Variants in TSHZ3 observed in about 807,000 individuals in gnomAD.
TSHZ3 encodes teashirt zinc finger homeobox 3, also known as teashirt homolog 3.
TSHZ3 carries 10 observed loss-of-function variants against 64.5 expected under a neutral mutation model. The observed-to-expected ratio is 0.16, with a 90% CI of 0.10 to 0.26. The LOEUF is 0.26. Ranked by LOEUF, TSHZ3 falls within the 10% of genes least tolerant of loss-of-function variation. TSHZ3 has a pLI of 1.00. For missense variants in TSHZ3, 1,242 were observed against 1,421.7 expected (o/e 0.87, Z 2.03); for synonymous variants, 608 against 593.1 (o/e 1.03, Z -0.36).
chr19:31,174,162 C>T (rs1161765611), intron 5 of TSHZ3, among the ~76,000 whole-genome samples: 2 of 152,208 alleles, frequency 1.3e-5, no homozygotes, highest in African/African-American at 4.8e-5. Context: ...GGGGAAGACC[C>T]GGGAGAGCCC....
chr19:31,283,212 C>G (rs1355229576), intron 1 of TSHZ3, among the ~76,000 whole-genome samples: 1 of 152,110 alleles, frequency 6.6e-6, no homozygotes, highest in Admixed American at 6.5e-5. Flanking sequence ...CACATGCCTG[C>G]AGTCCCAGTT....
At chr19:31,191,736 G>C (rs991379893) in intron 5 of TSHZ3, among the ~76,000 whole-genome samples, 1 of 151,932 alleles carries the variant, frequency 6.6e-6, no homozygotes, top group Non-Finnish European at 1.5e-5. Context: ...GCACGTGGCT[G>C]TAGTCCCAGC....
At chr19:31,311,337 T>C (rs1916453892) in intron 1 of TSHZ3, among the ~76,000 whole-genome samples, 1 of 152,138 alleles carries the variant, frequency 6.6e-6, no homozygotes, top group South Asian at 2.1e-4. Flanking sequence ...CTAGGACAGA[T>C]CAAGAGCATT....
intron 5 of TSHZ3, among the ~76,000 whole-genome samples, chr19:31,203,701 A>ACAG (rs1975120641): frequency 6.6e-6 from 1 of 152,084 alleles, no homozygotes; most frequent in South Asian, 2.1e-4. Flanking sequence ...GAGCACACAC[A>ACAG]CAGAGGGAAA....
intron 1 of TSHZ3, among the ~76,000 whole-genome samples, chr19:31,285,550 A>G (rs1599625623): frequency 6.6e-6 from 1 of 151,456 alleles, no homozygotes; most frequent in South Asian, 2.1e-4. Context: ...TGGGAGGCCG[A>G]GGCTGGGAGA....
intron 1 of TSHZ3, among the ~76,000 whole-genome samples, chr19:31,257,154 G>C (rs760822127): frequency 1.3e-5 from 2 of 152,130 alleles, no homozygotes; most frequent in Non-Finnish European, 2.9e-5. Flanking sequence ...GAGGCCATTA[G>C]AGAGAATGGA....
intron 3 of TSHZ3, among the ~76,000 whole-genome samples, chr19:31,241,648 T>C (rs1036467413): frequency 6.6e-6 from 1 of 152,204 alleles, no homozygotes; most frequent in Non-Finnish European, 1.5e-5. Flanking sequence ...CCATTTGAAG[T>C]GACTCAAACT....
intron 1 of TSHZ3, among the ~76,000 whole-genome samples, chr19:31,243,349 A>G (rs759459213): frequency 2.0e-5 from 3 of 152,100 alleles, no homozygotes; most frequent in Non-Finnish European, 4.4e-5. Context: ...TGGTAACTCA[A>G]CCTACAATTA....
chr19:31,156,971 A>T lies in TSHZ3; in HGVS notation n.810-554T>A, dbSNP rs77997392. Among the ~76,000 whole-genome samples, 567 of 152,334 alleles carry T rather than the reference A, an allele frequency of 3.7e-3. 3 individuals are homozygous for T. Among genetic ancestry groups the T allele is most frequent in the African/African-American group, 0.011 (472 of 41,570 alleles). The stretch of plus-strand genomic sequence containing the variant: ...CAGGCCCAGGAGTCCCTCATGCAGC[A>T]GCGATGAGACTGAAGGGAAAATAGG... On this transcript the variant is annotated intron_variant and non_coding_transcript_variant, in intron 5 of 6. Coordinates refer to the TSHZ3 transcript ENST00000651361.
At chr19:31,336,151 G>A (rs1291529288) in intron 1 of TSHZ3, among the ~76,000 whole-genome samples, 3 of 151,952 alleles carry the variant, frequency 2.0e-5, no homozygotes, top group Non-Finnish European at 4.4e-5. Context: ...ATCTGTTTCA[G>A]GGTTTGCAGC....
chr19:31,227,518 A>G (rs919944358), intron 4 of TSHZ3, among the ~76,000 whole-genome samples: 2 of 152,168 alleles, frequency 1.3e-5, no homozygotes, highest in Non-Finnish European at 2.9e-5. Context: ...AGAGCCTGCT[A>G]GAAGAGAAAG....
At chr19:31,240,447 A>G (rs1975672487) in intron 3 of TSHZ3, among the ~76,000 whole-genome samples, 1 of 152,208 alleles carries the variant, frequency 6.6e-6, no homozygotes, top group African/African-American at 2.4e-5. Context: ...TTTATGGCTT[A>G]ATAGAAGACA....
At chr19:31,321,853 T>C (rs1000527407) in intron 1 of TSHZ3, among the ~76,000 whole-genome samples, 4 of 152,130 alleles carry the variant, frequency 2.6e-5, no homozygotes, top group African/African-American at 9.7e-5. Context: ...TTTTATACTT[T>C]AAGTTCTGGG....
intron 1 of TSHZ3, among the ~76,000 whole-genome samples, chr19:31,321,655 G>A (rs910511126): frequency 5.3e-5 from 8 of 152,158 alleles, no homozygotes; most frequent in East Asian, 1.9e-4. Context: ...CAGCAGGCCC[G>A]ACGTGGACAG....
At chr19:31,208,815 T>C (rs1215527246) in intron 4 of TSHZ3, among the ~76,000 whole-genome samples, 1 of 152,168 alleles carries the variant, frequency 6.6e-6, no homozygotes, top group Non-Finnish European at 1.5e-5. Flanking sequence ...GTGCAGATCT[T>C]ACTTACCAAC....
intron 4 of TSHZ3, among the ~76,000 whole-genome samples, chr19:31,209,614 G>A (rs573757805): frequency 7.9e-5 from 12 of 152,152 alleles, no homozygotes; most frequent in Non-Finnish European, 1.5e-4. Context: ...CATTATTGTC[G>A]TGTTCGTTGT....
chr19:31,350,713 C>T (rs1485687099), upstream of TSHZ3, among the ~76,000 whole-genome samples: 1 of 150,730 alleles, frequency 6.6e-6, no homozygotes, highest in African/African-American at 2.4e-5. Flanking sequence ...GACGCGGGCT[C>T]ACTTACGGGC....
intron 1 of TSHZ3, among the ~76,000 whole-genome samples, chr19:31,346,132 C>A (rs897878099): frequency 6.6e-6 from 1 of 152,188 alleles, no homozygotes; most frequent in East Asian, 1.9e-4. Flanking sequence ...ATTCTTGGAG[C>A]CTGCTTCGGC....
Position 31,275,029 on chromosome 19 carries a change from C to G in TSHZ3, c.*1518G>C, listed in dbSNP as rs1054681915. 6.6e-6 allele frequency: 1 copy of G among 152,496 alleles called. No individual in the cohort carries two copies. Among genetic ancestry groups the G allele is most frequent in the African/African-American group, 2.4e-5 (1 of 41,404 alleles). 9.4% of individuals were successfully genotyped at this position (152,496 alleles called of 1,614,324 possible). ...ATAATGGTGCTTCATTGTCAACAAC[C>G]AAACAGGGCACAGAGTGTGTTACGG... On this transcript the variant is annotated 3_prime_UTR_variant, in exon 2 of 2. Transcript: ENST00000240587.
Sources: allele counts gnomAD v4.1 joint callset (sites outside exome capture counted in the v4.1 genomes callset), GRCh38; gene constraint gnomAD v4.1.1; transcripts MANE v1.5; gene names NCBI Gene and HGNC (gene_info 2026-07-23, HGNC 2026-07-21).